OPCML: variants seen among roughly 807,000 people sequenced by gnomAD.
OPCML encodes opioid binding protein/cell adhesion molecule like.
Under a neutral mutation model 37.8 loss-of-function variants are expected in OPCML, and 13 were observed. The observed-to-expected ratio is 0.34, with a 90% CI of 0.22 to 0.55. The LOEUF (loss-of-function observed/expected upper bound fraction) is 0.55. Ranked by LOEUF, OPCML falls within the 20% of genes least tolerant of loss-of-function variation. OPCML has a pLI of 0.91. For missense variants in OPCML, 341 were observed against 435.6 expected (o/e 0.78, Z 1.93); for synonymous variants, 176 against 168.8 (o/e 1.04, Z -0.33).
chr11:132,668,572 C>T lies in OPCML; in HGVS notation c.147-11253G>A, dbSNP rs182481933. Among the ~76,000 whole-genome samples, 6 of 152,262 alleles carry T rather than the reference C, an allele frequency of 3.9e-5. No individual in the cohort carries two copies. The South Asian group carries it at 6.2e-4, about 16-fold the overall frequency. ...GTAAATAGTGCCTGCTCTATTAGTACGAGCACTGTTGCCTCATCTGGACAA... is the reference window on the plus strand; with the variant it reads ...GTAAATAGTGCCTGCTCTATTAGTATGAGCACTGTTGCCTCATCTGGACAA... On this transcript the variant is annotated intron_variant, in intron 2 of 7. Transcript: ENST00000524381.
rs557580746 is a variant in OPCML at position 133,082,727 on chromosome 11, C to A, written c.62-139717G>T. On this transcript the variant is annotated intron_variant, in intron 1 of 7. Transcript: ENST00000524381. Reference sequence around the variant, plus strand: ...GGGCTCAAGGCCCCTCTGGAGACCGCTTCTCCCCCGCGGCCCGTCCCGCCG... The same window carrying A: ...GGGCTCAAGGCCCCTCTGGAGACCGATTCTCCCCCGCGGCCCGTCCCGCCG... 3.8e-3 allele frequency among the ~76,000 whole-genome samples: 541 copies of A among 144,166 alleles called. 3 individuals carry two copies. The highest frequency in any genetic ancestry group is 6.4e-3 in the Non-Finnish European group (418 of 65,172). 94.6% of individuals were successfully genotyped at this position (144,166 alleles called of 152,430 possible). A position where few individuals can be genotyped will look rare whatever the true frequency, so the allele number is the denominator to read the frequency against.
At chr11:133,083,179 C>CCGCA (rs1250572301) in intron 1 of OPCML, among the ~76,000 whole-genome samples, 2 of 152,298 alleles carry the variant, frequency 1.3e-5, no homozygotes, top group African/African-American at 4.8e-5. Context: ...GCCGAGCGGG[C>CCGCA]CGCACAGTCA....
At chr11:132,898,306 G>A (rs1390906131) in intron 2 of OPCML, among the ~76,000 whole-genome samples, 2 of 152,190 alleles carry the variant, frequency 1.3e-5, no homozygotes, top group African/African-American at 4.8e-5. Context: ...CTCTGGACAT[G>A]GGTTTGCCTT....
intron 1 of OPCML, among the ~76,000 whole-genome samples, chr11:132,969,697 G>A (rs940898889): frequency 1.3e-5 from 2 of 151,850 alleles, no homozygotes; most frequent in African/African-American, 4.8e-5. Flanking sequence ...TTATTACTGA[G>A]CCCCTCTCAT....
intron 3 of OPCML, among the ~76,000 whole-genome samples, chr11:132,591,917 G>A (rs1474449386): frequency 3.3e-5 from 5 of 152,174 alleles, no homozygotes; most frequent in African/African-American, 1.2e-4. Flanking sequence ...ATAAAGCTGT[G>A]CCCAGTTTTG....
At chr11:132,909,680 G>A (rs557000764) in intron 2 of OPCML, among the ~76,000 whole-genome samples, 1 of 152,330 alleles carries the variant, frequency 6.6e-6, no homozygotes, top group South Asian at 2.1e-4. Context: ...ATCAGTGTCG[G>A]CTGATGTCAC....
chr11:133,458,229 CGTGT>C (rs553791188), intron 1 of OPCML, among the ~76,000 whole-genome samples: 1 of 119,670 alleles, frequency 8.4e-6, no homozygotes, highest in Admixed American at 7.6e-5. Flanking sequence ...CATATATACA[CGTGT>C]GTGTATATAT....
intron 2 of OPCML, among the ~76,000 whole-genome samples, chr11:132,749,610 C>T (rs186326178): frequency 6.6e-6 from 1 of 152,190 alleles, no homozygotes; most frequent in East Asian, 1.9e-4. Context: ...TGTGGTTGTC[C>T]TCAGCATATA....
chr11:133,007,193 G>A, intron 1 of OPCML: 1 of 985,374 alleles, frequency 1.0e-6, no homozygotes, highest in Non-Finnish European at 1.2e-6. Flanking sequence ...GTCTCACATA[G>A]CACAGTACAA....
At chr11:132,435,973 G>T in intron 7 of OPCML, 113 bp downstream of exon 7, 1 of 1,002,720 alleles carries the variant, frequency 1.0e-6, no homozygotes, top group Non-Finnish European at 1.4e-6. Context: ...ACAGGTGGTG[G>T]GTTGAGTAGG....
At chr11:132,473,151 A>G (rs2096143411) in intron 4 of OPCML, among the ~76,000 whole-genome samples, 2 of 152,224 alleles carry the variant, frequency 1.3e-5, no homozygotes, top group Admixed American at 6.5e-5. Flanking sequence ...CAAACAGCAA[A>G]TGCCAAGTGA....
intron 4 of OPCML, among the ~76,000 whole-genome samples, chr11:132,476,867 A>G (rs575355446): frequency 1.1e-4 from 17 of 152,282 alleles, no homozygotes; most frequent in Admixed American, 7.2e-4. Flanking sequence ...AAAATTAAAA[A>G]AAGTGTTACT....
At chr11:133,382,678 C>T (rs1040351877) in intron 1 of OPCML, among the ~76,000 whole-genome samples, 1 of 152,150 alleles carries the variant, frequency 6.6e-6, no homozygotes, top group Non-Finnish European at 1.5e-5. Flanking sequence ...AACCTTTAAT[C>T]CTGTTTGTTG....
intron 2 of OPCML, among the ~76,000 whole-genome samples, chr11:132,913,527 T>G (rs1321176943): frequency 6.6e-6 from 1 of 152,200 alleles, no homozygotes; most frequent in Non-Finnish European, 1.5e-5. Flanking sequence ...TGAATGACTA[T>G]TGTGTAAAGC....
intron 4 of OPCML, among the ~76,000 whole-genome samples, chr11:132,466,409 G>C (rs1379707510): frequency 1.3e-5 from 2 of 151,092 alleles, no homozygotes; most frequent in South Asian, 2.1e-4. Context: ...GCGTGAACCC[G>C]CGAGGCGGAG....
chr11:133,096,185 C>A (rs1233812672), intron 1 of OPCML, among the ~76,000 whole-genome samples: 1 of 150,574 alleles, frequency 6.6e-6, no homozygotes, highest in African/African-American at 2.4e-5. Flanking sequence ...ATGATAGCAA[C>A]AATACAATGG....
intron 1 of OPCML, among the ~76,000 whole-genome samples, chr11:132,961,981 G>C (rs766579287): frequency 6.6e-6 from 1 of 152,118 alleles, no homozygotes; most frequent in Non-Finnish European, 1.5e-5. Flanking sequence ...TCTATCCTCC[G>C]TACTGTAATC....
intron 4 of OPCML, among the ~76,000 whole-genome samples, chr11:132,528,490 T>C (rs1465013920): frequency 6.6e-6 from 1 of 152,236 alleles, no homozygotes; most frequent in Non-Finnish European, 1.5e-5. Context: ...GCTATTAAGT[T>C]GGAAATGGTT....
At chr11:133,359,747 G>A (rs1336656147) in intron 1 of OPCML, among the ~76,000 whole-genome samples, 1 of 152,162 alleles carries the variant, frequency 6.6e-6, no homozygotes. Flanking sequence ...TTAACTGTAA[G>A]CTCATTCATG....
Sources: gnomAD v4.1 joint callset for allele counts (sites outside exome capture counted in the v4.1 genomes callset) on GRCh38, gnomAD v4.1.1 for gene constraint, MANE v1.5 for transcripts, NCBI Gene and HGNC (gene_info 2026-07-23, HGNC 2026-07-21) for gene names.